The following RNF38 variants were observed in gnomAD, a reference collection of about 807,000 sequenced individuals.
RNF38 encodes E3 ubiquitin-protein ligase RNF38.
RNF38 carries 15 observed loss-of-function variants against 67.2 expected under a neutral mutation model. The ratio of observed to expected loss-of-function variants is 0.22; its 90% CI spans 0.15 to 0.34. The LOEUF is 0.34. Ranked by LOEUF, RNF38 falls within the 10% of genes least tolerant of loss-of-function variation. The pLI is 1.00. For synonymous variants in RNF38, 220 were observed against 218.8 expected, an observed-to-expected ratio of 1.01 and a Z score of -0.05; for missense variants, 524 against 639.9, an observed-to-expected ratio of 0.82 and a Z score of 1.95.
At chr9:36,370,887 C>A (rs748877167) in intron 3 of RNF38, among the ~76,000 whole-genome samples, 1 of 151,174 alleles carries the variant, frequency 6.6e-6, no homozygotes, top group African/African-American at 2.4e-5. Context: ...CCAGCCTGGG[C>A]GACAGAGTGA....
intron 1 of RNF38, among the ~76,000 whole-genome samples, chr9:36,465,981 G>A (rs1839853029): frequency 6.6e-6 from 1 of 152,166 alleles, no homozygotes; most frequent in South Asian, 2.1e-4. Context: ...GAACCCAGGA[G>A]GCGGAGCTTG....
chr9:36,430,211 T>A (rs1486224327), intron 1 of RNF38, among the ~76,000 whole-genome samples: 2 of 152,054 alleles, frequency 1.3e-5, no homozygotes, highest in Non-Finnish European at 2.9e-5. Context: ...TTATTATTAT[T>A]ATTATTAATT....
At chr9:36,409,748 G>C (rs1838276991) in intron 2 of RNF38, among the ~76,000 whole-genome samples, 1 of 152,176 alleles carries the variant, frequency 6.6e-6, no homozygotes, top group South Asian at 2.1e-4. Flanking sequence ...AGACATATGT[G>C]ATACACGGTG....
chr9:36,419,691 C>T lies in RNF38; in HGVS notation n.312+4922G>A, dbSNP rs544271738. ...AAGTGAAACATGACTACAGGTGGCACGGCATCTGTATTCCCAGCTACTTGG... is the reference window on the plus strand; with the variant it reads ...AAGTGAAACATGACTACAGGTGGCATGGCATCTGTATTCCCAGCTACTTGG... On this transcript the variant is annotated intron_variant and non_coding_transcript_variant, in intron 2 of 3. Transcript: ENST00000488058. Among the ~76,000 whole-genome samples the T allele has an allele frequency of 1.4e-3, 219 of 152,174 alleles. 3 individuals carry two copies. Among genetic ancestry groups the T allele is most frequent in the Middle Eastern group, 3.4e-3 (1 of 294 alleles).
At chr9:36,408,021 T>C (rs1838224853) in intron 2 of RNF38, among the ~76,000 whole-genome samples, 1 of 152,210 alleles carries the variant, frequency 6.6e-6, no homozygotes, top group Non-Finnish European at 1.5e-5. Flanking sequence ...AAAGTACATT[T>C]CTAGAAGTAG....
intron 9 of RNF38, 123 bp from the exon 10 acceptor site, chr9:36,345,076 G>T: frequency 9.9e-7 from 1 of 1,008,148 alleles, no homozygotes; most frequent in Non-Finnish European, 1.4e-6. Flanking sequence ...CTGTTCACAG[G>T]CATGATCATT....
chr9:36,384,767 G>A (rs1199611978), intron 2 of RNF38, among the ~76,000 whole-genome samples: 1 of 152,146 alleles, frequency 6.6e-6, no homozygotes, highest in Non-Finnish European at 1.5e-5. Context: ...TTAGGCTAAG[G>A]AAATGATGTT....
chr9:36,447,903 A>T (rs904424398), intron 1 of RNF38, among the ~76,000 whole-genome samples: 2 of 152,228 alleles, frequency 1.3e-5, no homozygotes, highest in Admixed American at 1.3e-4. Flanking sequence ...CACTGTGTGC[A>T]TTAACTACTC....
chr9:36,358,705 C>T lies in RNF38; in HGVS notation c.571-763G>A, dbSNP rs146782349. 2.8e-3 allele frequency among the ~76,000 whole-genome samples: 420 copies of T among 152,194 alleles called. 2 individuals are homozygous for T. Among genetic ancestry groups the T allele is most frequent in the African/African-American group, 8.8e-3 (366 of 41,524 alleles). ...AACTCTTTTGCCAATATAAACACAA[C>T]TGAAAAAATATGATATTAGTTTGGC... On this transcript the variant is annotated intron_variant, in intron 4 of 11. Transcript: ENST00000259605.
upstream of RNF38, among the ~76,000 whole-genome samples, chr9:36,402,891 C>T (rs1020925438): frequency 6.6e-6 from 1 of 152,032 alleles, no homozygotes; most frequent in Non-Finnish European, 1.5e-5. Context: ...GGTGCTCTGT[C>T]GCCCAGGCTG....
chr9:36,374,946 C>T (rs1381446239), intron 3 of RNF38, among the ~76,000 whole-genome samples: 1 of 152,126 alleles, frequency 6.6e-6, no homozygotes, highest in Non-Finnish European at 1.5e-5. Context: ...GGGTTACAAA[C>T]ATTTGGTCTG....
chr9:36,434,575 G>A (rs909534844), intron 1 of RNF38, among the ~76,000 whole-genome samples: 1 of 152,144 alleles, frequency 6.6e-6, no homozygotes, highest in Admixed American at 6.5e-5. Flanking sequence ...TTTTAGTAAA[G>A]ATGGGGTTTT....
At position 36,339,747 on chromosome 9, in the gene RNF38, G is replaced by A. The variant is rs1341181322; in HGVS notation, c.*5C>T. The A allele has an allele frequency of 3.1e-6, 5 of 1,610,842 alleles. No homozygotes were observed. The highest frequency in any genetic ancestry group is 4.2e-6 in the Non-Finnish European group (5 of 1,177,528). ...CCCAAACTAAATTTGTGCTTCTTAG[G>A]TTGGTCATTCTGAATCCCGATGCAC... On this transcript the variant is annotated 3_prime_UTR_variant, in exon 12 of 12. Coordinates refer to ENST00000259605, the MANE Select transcript of RNF38 (RefSeq NM_022781.5).
At chr9:36,356,157 G>T in intron 6 of RNF38, 146 bp downstream of exon 6, 1 of 797,930 alleles carries the variant, frequency 1.3e-6, no homozygotes. Context: ...AAGTTACTAT[G>T]TTTAAGCATG....
chr9:36,463,237 T>C (rs537157679), intron 1 of RNF38, among the ~76,000 whole-genome samples: 1 of 152,364 alleles, frequency 6.6e-6, no homozygotes, highest in Admixed American at 6.5e-5. Flanking sequence ...TGTTCACTAC[T>C]GTGTAGCCAG....
intron 4 of RNF38, 127 bp from the exon 5 acceptor site, chr9:36,358,069 A>G: frequency 1.5e-6 from 1 of 686,018 alleles, no homozygotes; most frequent in South Asian, 1.9e-5. Context: ...GTACTCTCCA[A>G]TAGTTTCGAC....
At chr9:36,342,644 A>C (rs1252883867) in intron 10 of RNF38, among the ~76,000 whole-genome samples, 1 of 152,212 alleles carries the variant, frequency 6.6e-6, no homozygotes, top group East Asian at 1.9e-4. Context: ...CATCAAGTCA[A>C]TCTTAATACC....
chr9:36,410,556 G>C (rs1468731152), intron 2 of RNF38, among the ~76,000 whole-genome samples: 1 of 152,166 alleles, frequency 6.6e-6, no homozygotes, highest in Non-Finnish European at 1.5e-5. Flanking sequence ...CCTGCTGGCA[G>C]ATCTACAACA....
chr9:36,387,142 C>T (rs1350234684), intron 2 of RNF38, among the ~76,000 whole-genome samples: 1 of 152,132 alleles, frequency 6.6e-6, no homozygotes, highest in African/African-American at 2.4e-5. Context: ...TAATCCACCC[C>T]GTGTTTAACA....
Sources: gnomAD v4.1 joint callset for allele counts (sites outside exome capture counted in the v4.1 genomes callset) on GRCh38, gnomAD v4.1.1 for gene constraint, MANE v1.5 for transcripts, NCBI Gene and HGNC (gene_info 2026-07-23, HGNC 2026-07-21) for gene names.